The following RIF1 variants were observed in gnomAD, a reference collection of about 807,000 sequenced individuals.
RIF1 encodes the protein replication timing regulatory factor 1.
In RIF1, 45 loss-of-function variants were observed where a neutral mutation model predicts 247.1. The ratio of observed to expected loss-of-function variants is 0.18; its 90% confidence interval spans 0.14 to 0.23. The LOEUF is 0.23. Among genes scored for constraint, RIF1 ranks in the 10% least tolerant of loss-of-function variants. The pLI, the probability that RIF1 is intolerant of heterozygous loss-of-function variation, is 1.00. For synonymous variants in RIF1, 1,087 were observed against 978.8 expected (o/e 1.11, Z -2.06); for missense variants, 2,967 against 2,862.5 (o/e 1.04, Z -0.83).
intron 34 of RIF1, among the ~76,000 whole-genome samples, chr2:151,470,759 T>C (rs1490784250): frequency 6.6e-6 from 1 of 152,172 alleles, no homozygotes; most frequent in East Asian, 1.9e-4. Flanking sequence ...TTAACTTATT[T>C]GTGATCTTCT....
chr2:151,528,547 G>A, the RIF1 span, among the ~76,000 whole-genome samples: 457 of 152,270 alleles, frequency 3.0e-3, 3 homozygotes, highest in African/African-American at 0.01. Flanking sequence ...CTCAGGATAC[G>A]TACAAGCTCT....
At chr2:151,415,886 A>G (rs535066341) in intron 4 of RIF1, among the ~76,000 whole-genome samples, 6 of 152,296 alleles carry the variant, frequency 3.9e-5, no homozygotes, top group Non-Finnish European at 7.4e-5. Flanking sequence ...AAAAAAATCA[A>G]ATGAAAAGGG....
Position 151,455,004 on chromosome 2 carries a change from C to T in RIF1, c.2454C>T (p.Ser818=). 1 of 1,613,886 alleles carries T rather than the reference C, an allele frequency of 6.2e-7. No individual in the cohort carries two copies. The highest frequency in any genetic ancestry group is 8.5e-7 in the Non-Finnish European group (1 of 1,179,864). The change falls in exon 22 of 36, where the codon AGC becomes AGT. Residue 818 remains serine (S), a synonymous_variant. Coordinates refer to ENST00000444746, the MANE Select transcript of RIF1 (RefSeq NM_018151.5). ...VKVIYSFHTL[S]FKEAHSDTLF... ...TGATCTATTCTTTCCACACACTGAGCTTCAAGGAAGCACATTCTGATACCC... is the reference window on the plus strand; with the variant it reads ...TGATCTATTCTTTCCACACACTGAGTTTCAAGGAAGCACATTCTGATACCC...
chr2:151,420,478 C>A (rs529918697), intron 7 of RIF1, 99 bp downstream of exon 7: 5 of 1,132,056 alleles, frequency 4.4e-6, no homozygotes, highest in East Asian at 5.1e-5. Context: ...GTGGCTCTCA[C>A]CTGTAGTCCC....
At chr2:151,508,202 C>T (rs2070884241), downstream of RIF1, 14 of 752,704 alleles carry the variant, frequency 1.9e-5, no homozygotes, top group South Asian at 2.8e-4. Context: ...CTTCCAGGCT[C>T]AGCAGAGGGA....
At chr2:151,437,742 C>A (rs1237787146) in intron 13 of RIF1, among the ~76,000 whole-genome samples, 1 of 152,156 alleles carries the variant, frequency 6.6e-6, no homozygotes, top group Non-Finnish European at 1.5e-5. Flanking sequence ...GTGCCACCTA[C>A]TGGCCAGATT....
chr2:151,435,319 A>G, intron 10 of RIF1, 144 bp from the exon 11 acceptor site: 1 of 599,376 alleles, frequency 1.7e-6, no homozygotes, highest in Non-Finnish European at 3.0e-6. Flanking sequence ...TCCAAATTCC[A>G]CTTTTTAGCC....
At chr2:151,505,440 C>T (rs369636789) in intron 12 of RIF1, 132 of 1,527,606 alleles carry the variant, frequency 8.6e-5, no homozygotes, top group Non-Finnish European at 1.1e-4. Flanking sequence ...TGAGAGATGG[C>T]CAGTCACACA....
chr2:151,427,455 C>T (rs950184848), intron 8 of RIF1, among the ~76,000 whole-genome samples: 1 of 151,246 alleles, frequency 6.6e-6, no homozygotes, highest in South Asian at 2.1e-4. Context: ...AGGTGATTCG[C>T]CTGCCTTGGC....
the RIF1 span, chr2:151,527,346 A>G: frequency 1.0e-5 from 8 of 780,220 alleles, no homozygotes; most frequent in East Asian, 2.2e-4. Context: ...CGCTCCCCCA[A>G]CCATCCTCCT....
intron 11 of RIF1, chr2:151,502,821 A>T (rs1269029222): frequency 6.2e-7 from 1 of 1,607,944 alleles, no homozygotes; most frequent in Non-Finnish European, 8.5e-7. Flanking sequence ...ATTGCGTTTG[A>T]CTCTCTCCAT....
At chr2:151,489,422 A>T (rs2054191849) in intron 9 of RIF1, among the ~76,000 whole-genome samples, 1 of 152,204 alleles carries the variant, frequency 6.6e-6, no homozygotes, top group Non-Finnish European at 1.5e-5. Context: ...TTTTTGAGAC[A>T]GGGTCTCCCT....
chr2:151,469,040 T>C (rs1184898718), intron 33 of RIF1, among the ~76,000 whole-genome samples: 1 of 152,188 alleles, frequency 6.6e-6, no homozygotes, highest in African/African-American at 2.4e-5. Flanking sequence ...ATGAATATCA[T>C]TTCTACTTTA....
chr2:151,428,860 T>C lies in RIF1; in HGVS notation c.863T>C (p.Met288Thr), dbSNP rs1449659407. ...CTTGGATTTCGTAGTGGAGCACCCA[T>C]GATTAAAAAGATAGCTTTTATTGCT... ...EELGFRSGAP[M>T]IKKIAFIAWK... The change falls in exon 9 of 36, where the codon ATG becomes ACG. Residue 288 changes from methionine to threonine, a missense_variant. Physicochemically the swap from Met to Thr is moderately conservative, Grantham distance 81. Around this residue, in one of 7 missense-constraint regions of RIF1, gnomAD observed 71 missense variants for 132.9 expected, o/e 0.53. Transcript: ENST00000444746. 1.9e-6 allele frequency: 3 copies of C among 1,550,168 alleles called. No homozygotes were observed. In the African/African-American group the frequency reaches 4.1e-5, roughly 21 times the overall value.
rs1366101865 is a variant in RIF1 at position 151,414,898 on chromosome 2, A to C, written c.259A>C (p.Lys87Gln). Reference sequence around the variant, plus strand: ...CCTGGGGTTTTGCTTATATAATCCCAAAATTACCTCAGAATTATCAGGTAG... The same window carrying C: ...CCTGGGGTTTTGCTTATATAATCCCCAAATTACCTCAGAATTATCAGGTAG... Reference protein sequence around the residue: ...QALGFCLYNPKITSELSEANA... With the variant: ...QALGFCLYNPQITSELSEANA... Residue 87 changes from lysine to glutamine, a missense_variant, in exon 4 of 36, where the codon AAA (lysine) becomes CAA (glutamine). Lys to Gln is a moderately conservative substitution (Grantham distance 53, BLOSUM62 1). Coordinates refer to ENST00000444746, the MANE Select transcript of RIF1 (RefSeq NM_018151.5). 3 of 1,608,726 alleles carry C rather than the reference A, an allele frequency of 1.9e-6. No individual in the cohort carries two copies. Among genetic ancestry groups the C allele is most frequent in the Middle Eastern group, 3.3e-4 (2 of 5,984 alleles).
At position 151,441,179 on chromosome 2, in the gene RIF1, C is replaced by G. The variant is rs190649234; in HGVS notation, c.1648-726C>G. On this transcript the variant is annotated intron_variant, in intron 15 of 35. Coordinates refer to ENST00000444746, the MANE Select transcript of RIF1 (RefSeq NM_018151.5). ...GAGGCTGCAGTGAGCCAAGATCGTGCCACTGCAATCCAGCCTGGACAACAA... is the reference window on the plus strand; with the variant it reads ...GAGGCTGCAGTGAGCCAAGATCGTGGCACTGCAATCCAGCCTGGACAACAA... Among the ~76,000 whole-genome samples, 264 of 152,134 alleles carry G rather than the reference C, an allele frequency of 1.7e-3. 2 individuals carry two copies. Among genetic ancestry groups the G allele is most frequent in the African/African-American group, 6.1e-3 (253 of 41,502 alleles).
chr2:151,490,142 T>G, intron 9 of RIF1: 1 of 1,323,996 alleles, frequency 7.6e-7, no homozygotes, highest in Non-Finnish European at 1.1e-6. Flanking sequence ...AATCTGTGTT[T>G]AGCAGCTGAG....
intron 23 of RIF1, among the ~76,000 whole-genome samples, chr2:151,457,038 C>T (rs562918424): frequency 6.6e-6 from 1 of 151,336 alleles, no homozygotes; most frequent in African/African-American, 2.4e-5. Flanking sequence ...TTGTCCTGTT[C>T]TTCATTTTTA....
At chr2:151,533,597 A>G in the RIF1 span, 6 of 1,203,310 alleles carry the variant, frequency 5.0e-6, no homozygotes, top group African/African-American at 7.5e-5. Context: ...GAAGACAGAA[A>G]AGAACACGGC....
Sources: allele counts gnomAD v4.1 joint callset (sites outside exome capture counted in the v4.1 genomes callset), GRCh38; gene constraint gnomAD v4.1.1; regional missense constraint gnomAD v4.1.1; transcripts MANE v1.5; gene names NCBI Gene and HGNC (gene_info 2026-07-23, HGNC 2026-07-21).